LRRC4C: variants seen among roughly 807,000 people sequenced by gnomAD.
LRRC4C encodes the protein leucine rich repeat containing 4C.
LRRC4C carries 5 observed loss-of-function variants against 33.6 expected under a neutral mutation model. The observed-to-expected ratio is 0.15, with a 90% CI of 0.08 to 0.31. The LOEUF (loss-of-function observed/expected upper bound fraction) is 0.31, where lower values mean the gene tolerates loss of function less well. Ranked by LOEUF, LRRC4C falls within the 10% of genes least tolerant of loss-of-function variation. LRRC4C has a pLI of 1.00. For missense variants in LRRC4C, 560 were observed against 796.7 expected, an observed-to-expected ratio of 0.70 and a Z score of 3.58; for synonymous variants, 329 against 302.0, an observed-to-expected ratio of 1.09 and a Z score of -0.93.
At chr11:40,658,836 A>C (rs1186806605) in intron 2 of LRRC4C, among the ~76,000 whole-genome samples, 1 of 152,220 alleles carries the variant, frequency 6.6e-6, no homozygotes, top group Non-Finnish European at 1.5e-5. Flanking sequence ...TTTCCCTTAC[A>C]AGAATGTGGG....
At chr11:40,671,908 T>C (rs1433089858) in intron 2 of LRRC4C, among the ~76,000 whole-genome samples, 1 of 151,964 alleles carries the variant, frequency 6.6e-6, no homozygotes, top group Admixed American at 6.6e-5. Context: ...ATTTTGTCTG[T>C]CTTACTTTCT....
intron 3 of LRRC4C, among the ~76,000 whole-genome samples, chr11:40,482,731 A>C (rs1208973189): frequency 6.6e-6 from 1 of 152,110 alleles, no homozygotes; most frequent in Non-Finnish European, 1.5e-5. Flanking sequence ...TTGGTCTCCC[A>C]AAGAGCTGGG....
chr11:40,462,812 C>CT (rs1204522595), intron 3 of LRRC4C, among the ~76,000 whole-genome samples: 1 of 152,020 alleles, frequency 6.6e-6, no homozygotes, highest in Admixed American at 6.6e-5. Flanking sequence ...AGATTCATCT[C>CT]TTTTTTATCC....
chr11:41,450,553 T>C (rs2138637312), intron 1 of LRRC4C, among the ~76,000 whole-genome samples: 1 of 152,288 alleles, frequency 6.6e-6, no homozygotes, highest in East Asian at 1.9e-4. Context: ...CTGCTTTTAA[T>C]GAGTTTTTAT....
intron 3 of LRRC4C, among the ~76,000 whole-genome samples, chr11:40,350,524 A>T (rs1240855700): frequency 6.6e-6 from 1 of 151,996 alleles, no homozygotes; most frequent in South Asian, 2.1e-4. Flanking sequence ...GTCAGGTAAC[A>T]TGATTCCTAC....
chr11:41,218,474 G>C (rs1947158716), intron 1 of LRRC4C, among the ~76,000 whole-genome samples: 1 of 152,174 alleles, frequency 6.6e-6, no homozygotes, highest in Non-Finnish European at 1.5e-5. Flanking sequence ...ACCCTGTGAT[G>C]CAACAGTCTG....
At chr11:41,448,122 G>GTTTTTTTTTTTTGTTT (rs1955888543) in intron 1 of LRRC4C, among the ~76,000 whole-genome samples, 1 of 46,948 alleles carries the variant, frequency 2.1e-5, no homozygotes, top group African/African-American at 7.7e-5. Flanking sequence ...GCACACGTCT[G>GTTTTTTTTTTTTGTTT]TTTTTTTTTT....
At chr11:40,913,911 T>C (rs1037431153) in intron 2 of LRRC4C, among the ~76,000 whole-genome samples, 1 of 152,172 alleles carries the variant, frequency 6.6e-6, no homozygotes, top group Admixed American at 6.5e-5. Flanking sequence ...CGGAGAATAC[T>C]ATAAACACCT....
chr11:40,207,442 T>C (rs754791737), intron 5 of LRRC4C, among the ~76,000 whole-genome samples: 5 of 152,002 alleles, frequency 3.3e-5, no homozygotes, highest in Non-Finnish European at 5.9e-5. Context: ...TCCCTACAAA[T>C]GATTTAAAAA....
intron 3 of LRRC4C, among the ~76,000 whole-genome samples, chr11:40,433,446 T>C (rs1951016967): frequency 6.6e-6 from 1 of 152,090 alleles, no homozygotes; most frequent in Admixed American, 6.6e-5. Context: ...AGAATGGAAG[T>C]GCCAAGGAGA....
chr11:40,356,093 T>C (rs1177912245), intron 3 of LRRC4C, among the ~76,000 whole-genome samples: 5 of 152,094 alleles, frequency 3.3e-5, no homozygotes, highest in Admixed American at 2.6e-4. Flanking sequence ...TTTCTTATAT[T>C]TTCAGGGTCT....
intron 2 of LRRC4C, among the ~76,000 whole-genome samples, chr11:40,850,236 C>T (rs1953413931): frequency 2.0e-5 from 3 of 151,960 alleles, no homozygotes; most frequent in Non-Finnish European, 2.9e-5. Context: ...GAATTTTCAG[C>T]CTTTTTGTGC....
chr11:41,387,757 C>A (rs1953418175), intron 1 of LRRC4C, among the ~76,000 whole-genome samples: 1 of 151,760 alleles, frequency 6.6e-6, no homozygotes, highest in South Asian at 2.1e-4. Flanking sequence ...CCACCCGACA[C>A]CCATAGTTAT....
intron 1 of LRRC4C, among the ~76,000 whole-genome samples, chr11:41,414,565 T>C (rs966248005): frequency 7.2e-5 from 11 of 151,732 alleles, no homozygotes; most frequent in African/African-American, 2.4e-4. Context: ...TCCATTAAAG[T>C]CTGTAATGTT....
chr11:40,302,025 G>C (rs1388490442), intron 4 of LRRC4C, among the ~76,000 whole-genome samples: 1 of 152,054 alleles, frequency 6.6e-6, no homozygotes, highest in Non-Finnish European at 1.5e-5. Flanking sequence ...AAATGGAAGG[G>C]GCTTAGGAAT....
chr11:41,123,280 T>G lies in LRRC4C; in HGVS notation c.-495-189557A>C, dbSNP rs1311256858. Among the ~76,000 whole-genome samples the G allele has an allele frequency of 9.8e-4, 106 of 108,702 alleles. 2 individuals carry two copies. Among genetic ancestry groups the G allele is most frequent in the African/African-American group, 3.4e-3 (99 of 29,402 alleles). 71.3% of individuals were successfully genotyped at this position (108,702 alleles called of 152,430 possible). ...TGTTTTGTTTTTTTTTTTTTTTTTT[T>G]TTTTTTTTTTGAGACGGAGTCTCGC... On this transcript the variant is annotated intron_variant, in intron 1 of 6. Coordinates refer to ENST00000528697, the MANE Select transcript of LRRC4C (RefSeq NM_001258419.2).
intron 2 of LRRC4C, among the ~76,000 whole-genome samples, chr11:40,915,792 A>G (rs28891763): frequency 0.043 from 6,593 of 152,018 alleles, 435 homozygotes; most frequent in African/African-American, 0.15. Context: ...TTTGCAATCT[A>G]CTCATCTGAC....
At chr11:40,159,973 A>G (rs1038957112) in intron 5 of LRRC4C, among the ~76,000 whole-genome samples, 1 of 152,152 alleles carries the variant, frequency 6.6e-6, no homozygotes, top group Non-Finnish European at 1.5e-5. Flanking sequence ...TTTAATTTTC[A>G]TAAAATCATT....
chr11:40,664,958 T>C (rs1943639735), intron 2 of LRRC4C, among the ~76,000 whole-genome samples: 1 of 128,994 alleles, frequency 7.8e-6, no homozygotes, highest in Non-Finnish European at 1.6e-5. Context: ...CAGTGTGTGA[T>C]GTTCCCCTTC....
Sources: allele counts gnomAD v4.1 joint callset (sites outside exome capture counted in the v4.1 genomes callset), GRCh38; gene constraint gnomAD v4.1.1; transcripts MANE v1.5; gene names NCBI Gene and HGNC (gene_info 2026-07-23, HGNC 2026-07-21).